RERGL: variants seen among roughly 807,000 people sequenced by gnomAD.
RERGL encodes the protein RERG like.
RERGL carries 22 observed loss-of-function variants against 24.7 expected under a neutral mutation model. The observed-to-expected ratio is 0.89, with a 90% CI of 0.64 to 1.27. The LOEUF is 1.27. Among genes scored for constraint, RERGL ranks in the 50% most tolerant of loss-of-function variants. The pLI is 0.00. For synonymous variants in RERGL, 76 were observed against 82.6 expected, an observed-to-expected ratio of 0.92 and a Z score of 0.43; for missense variants, 259 against 235.3, an observed-to-expected ratio of 1.10 and a Z score of -0.66.
chr12:18,086,438 T>A (rs1257465004), intron 2 of RERGL, among the ~76,000 whole-genome samples: 1 of 152,174 alleles, frequency 6.6e-6, no homozygotes, highest in Non-Finnish European at 1.5e-5. Context: ...AAATTTCTTC[T>A]AACTTAAATG....
rs1347311405 is a variant in RERGL at position 18,085,637 on chromosome 12, A to G, written c.166T>C (p.Tyr56His). 5.0e-6 allele frequency: 8 copies of G among 1,591,186 alleles called. No homozygotes were observed. The highest frequency in any genetic ancestry group is 6.0e-6 in the Non-Finnish European group (7 of 1,164,208). Residue 56 changes from tyrosine (Y) to histidine (H), a missense_variant, in exon 3 of 5, where the codon TAT becomes CAT. Transcript: ENST00000538724. ...LERKQLNLEIYDPCSQTQKAK... is the reference protein window; with the variant it reads ...LERKQLNLEIHDPCSQTQKAK... ...TTACTTACTTGAGAACAAGGGTCAT[A>G]TATTTCTAGATTTAGTTGTTTCCTT...
intron 2 of RERGL, among the ~76,000 whole-genome samples, chr12:18,085,918 C>T (rs1041906517): frequency 7.0e-6 from 1 of 143,796 alleles, no homozygotes; most frequent in Non-Finnish European, 1.5e-5. Context: ...AGTGCAGTGG[C>T]GCGATCTCGG....
chr12:18,086,602 T>C (rs1460135965), intron 2 of RERGL, among the ~76,000 whole-genome samples: 1 of 152,176 alleles, frequency 6.6e-6, no homozygotes, highest in Admixed American at 6.5e-5. Context: ...TTTTAATTCC[T>C]TGTTGCTCCG....
At chr12:18,084,446 T>G in intron 4 of RERGL, 71 bp downstream of exon 4, 1 of 1,445,738 alleles carries the variant, frequency 6.9e-7, no homozygotes, top group Non-Finnish European at 9.3e-7. Flanking sequence ...TATTAAACTC[T>G]TCCTAATGAT....
rs1947164783 is a variant in RERGL, at chr12:18,081,023, A to G, written c.*168T>C. 3.3e-6 allele frequency: 2 copies of G among 609,300 alleles called. No individual in the cohort carries two copies. The highest frequency in any genetic ancestry group is 5.5e-6 in the Non-Finnish European group (2 of 363,772). The allele number at this position is 609,300 out of a possible 1,614,324, so 37.7% of individuals were successfully genotyped here. ...GAGTGAGCAGGGTACAACAACCAAA[A>G]AGGCAAACTACATATTTGAAAACAC... is the stretch of plus-strand genomic sequence containing the variant. On this transcript the variant is annotated 3_prime_UTR_variant, in exon 5 of 5. Coordinates refer to ENST00000538724, the MANE Select transcript of RERGL (RefSeq NM_001286201.2).
At chr12:18,089,924 C>G (rs17469935) in intron 1 of RERGL, among the ~76,000 whole-genome samples, 165 bp downstream of exon 1, 14,240 of 151,956 alleles carry the variant, frequency 0.094, 718 homozygotes, top group Middle Eastern at 0.17. Flanking sequence ...AAAATGAAAA[C>G]TCCTAATGAA....
rs1947201259 is a variant in RERGL at position 18,084,559 on chromosome 12, A to G, written c.290T>C (p.Leu97Pro). The change falls in exon 4 of 5, where the codon CTG becomes CCG. Residue 97 changes from leucine (L) to proline (P), a missense_variant. Physicochemically the swap from Leu to Pro is moderately conservative, Grantham distance 98. Coordinates refer to ENST00000538724, the MANE Select transcript of RERGL (RefSeq NM_001286201.2). ...DRSSFAFAKA[L>P]IYRIREPQTS... ...TTGTGGCTCCCGGATTCTGTAGATC[A>G]GCGCTTTTGCAAAAGCAAATGAAGA... 1 of 1,612,032 alleles carries G rather than the reference A, an allele frequency of 6.2e-7. No homozygotes were observed. The highest frequency in any genetic ancestry group is 1.1e-5 in the South Asian group (1 of 90,654).
In RERGL at chr12:18,081,458, T is replaced by C; in HGVS notation, c.348A>G (p.Ala116=). Residue 116 remains alanine (A), a synonymous_variant, in exon 5 of 5, where the codon GCA becomes GCG. Transcript: ENST00000538724. The stretch of plus-strand genomic sequence containing the variant: ...CTCGTTTGTTGCCAACCAAAAACAC[T>C]GCTGATTCCACAGCTCTGAAATAGA... ...TSHCKRAVES[A]VFLVGNKRDL... 6.2e-7 allele frequency: 1 copy of C among 1,608,830 alleles called. No individual in the cohort carries two copies. The highest frequency in any genetic ancestry group is 8.5e-7 in the Non-Finnish European group (1 of 1,176,346).
chr12:18,081,527 TA>T (rs3054570), intron 4 of RERGL, 54 bp from the exon 5 acceptor site: 31,993 of 1,086,198 alleles, frequency 0.029, 101 homozygotes, highest in African/African-American at 0.064. Context: ...CTCTTTTTTT[TA>T]AAAAAAAAAA....
intron 1 of RERGL, 45 bp downstream of exon 1, chr12:18,090,044 A>G: frequency 7.0e-7 from 1 of 1,420,898 alleles, no homozygotes; most frequent in Non-Finnish European, 9.3e-7. Context: ...AATGTTTCTC[A>G]CTCTTTCTAC....
intron 3 of RERGL, 38 bp downstream of exon 3, chr12:18,085,582 T>G (rs1217887411): frequency 7.7e-7 from 1 of 1,290,330 alleles, no homozygotes; most frequent in Non-Finnish European, 1.1e-6. Context: ...AATCAATCAA[T>G]AAATAAATCA....
chr12:18,083,638 C>A (rs1947192962), intron 4 of RERGL, among the ~76,000 whole-genome samples: 1 of 152,074 alleles, frequency 6.6e-6, no homozygotes, highest in East Asian at 1.9e-4. Context: ...CATCATCTAA[C>A]TCCAGGGAAA....
intron 4 of RERGL, 92 bp downstream of exon 4, chr12:18,084,425 T>C (rs1283313370): frequency 9.6e-6 from 12 of 1,248,950 alleles, no homozygotes; most frequent in South Asian, 6.4e-5. Flanking sequence ...AATTTTGTAA[T>C]TGGAAGGCTG....
chr12:18,081,261 C>T lies in RERGL; in HGVS notation c.545G>A (p.Arg182His), dbSNP rs151100410. The change falls in exon 5 of 5, where the codon CGT becomes CAT. Residue 182 changes from arginine to histidine, a missense_variant. Physicochemically the swap from Arg to His is conservative, Grantham distance 29 (BLOSUM62 0). Coordinates refer to ENST00000538724, the MANE Select transcript of RERGL (RefSeq NM_001286201.2). The part of the protein sequence containing the change: ...LINFKLKEKR[R>H]PSGSKSMAKL... ...GGCCATTGATTTAGATCCACTGGGACGTCTCTTTTCTTTGAGTTTGAAGTT... is the reference window on the plus strand; with the variant it reads ...GGCCATTGATTTAGATCCACTGGGATGTCTCTTTTCTTTGAGTTTGAAGTT... The T allele has an allele frequency of 1.5e-4, 249 of 1,614,036 alleles. 2 individuals are homozygous for T. The South Asian group carries it at 1.9e-3, about 12-fold the overall frequency.
chr12:18,081,612 G>A (rs1947174163), intron 4 of RERGL, 139 bp from the exon 5 acceptor site: 1 of 751,868 alleles, frequency 1.3e-6, no homozygotes, highest in East Asian at 2.7e-5. Context: ...TTATGGTCAT[G>A]TGTGTATACA....
Position 18,088,407 on chromosome 12 carries a change from T to C in RERGL, c.109+493A>G, listed in dbSNP as rs146111081. Among the ~76,000 whole-genome samples, 971 of 152,212 alleles carry C rather than the reference T, an allele frequency of 6.4e-3. 11 individuals carry two copies. The highest frequency in any genetic ancestry group is 0.022 in the African/African-American group (921 of 41,574). On this transcript the variant is annotated intron_variant, in intron 2 of 4. Coordinates refer to ENST00000538724, the MANE Select transcript of RERGL (RefSeq NM_001286201.2). ...TATCAAAATGCCCCAGCATGTGTTTTAGAATTTTTCTACATTTATATAAAT... is the reference window on the plus strand; with the variant it reads ...TATCAAAATGCCCCAGCATGTGTTTCAGAATTTTTCTACATTTATATAAAT...
rs537919795 is a variant in RERGL at position 18,089,177 on chromosome 12, T to G, written c.53-221A>C. 8.5e-5 allele frequency: 127 copies of G among 1,498,966 alleles called. 2 individuals are homozygous for G. In the South Asian group the frequency reaches 1.4e-3, roughly 17 times the overall value. 92.9% of individuals were successfully genotyped at this position (1,498,966 alleles called of 1,614,324 possible). A position where few individuals can be genotyped will look rare whatever the true frequency, so the allele number is the denominator to read the frequency against. ...GGAAGTGATCTTAAAGTGCTTCACA[T>G]CTAAATCACTATGCAGTTAATTCAT... On this transcript the variant is annotated intron_variant, in intron 1 of 4. Transcript: ENST00000538724.
Position 18,081,001 on chromosome 12 carries a change from T to A in RERGL, c.*190A>T, listed in dbSNP as rs904309974. 1 of 497,614 alleles carries A rather than the reference T, an allele frequency of 2.0e-6. No homozygotes were observed. Among genetic ancestry groups the A allele is most frequent in the African/African-American group, 1.9e-5 (1 of 52,354 alleles). The allele number at this position is 497,614 out of a possible 1,614,324, so 30.8% of individuals were successfully genotyped here. A position where few individuals can be genotyped will look rare whatever the true frequency, so the allele number is the denominator to read the frequency against. On this transcript the variant is annotated 3_prime_UTR_variant, in exon 5 of 5. Transcript: ENST00000538724. ...ATGAAAGGTTCTGTGTGAAGGAGAG[T>A]GAGCAGGGTACAACAACCAAAAAGG...
At chr12:18,090,016 G>T in intron 1 of RERGL, 73 bp downstream of exon 1, 2 of 1,068,248 alleles carry the variant, frequency 1.9e-6, no homozygotes, top group Non-Finnish European at 2.6e-6. Context: ...GAAATACGTG[G>T]TTAATGGTTA....
Sources: gnomAD v4.1 joint callset for allele counts (sites outside exome capture counted in the v4.1 genomes callset) on GRCh38, gnomAD v4.1.1 for gene constraint, MANE v1.5 for transcripts, NCBI Gene and HGNC (gene_info 2026-07-23, HGNC 2026-07-21) for gene names.